DNAH5: variants seen among roughly 807,000 people sequenced by gnomAD.
DNAH5 encodes the protein dynein axonemal heavy chain 5, also known as axonemal beta dynein heavy chain 5.
Under a neutral mutation model 518.2 loss-of-function variants are expected in DNAH5, and 372 were observed. The observed-to-expected ratio is 0.72, with a 90% CI of 0.66 to 0.78. The LOEUF (loss-of-function observed/expected upper bound fraction) is 0.78, where lower values mean the gene tolerates loss of function less well. DNAH5 is among the 30% of genes least tolerant of loss of function. The probability of loss-of-function intolerance (pLI) is 0.00; values close to 1 mark genes in which losing one functional copy is unlikely to be tolerated. For missense variants in DNAH5, 5,523 were observed against 5,687.0 expected (o/e 0.97, Z 0.93); for synonymous variants, 2,039 against 2,025.9 (o/e 1.01, Z -0.17).
chr5:13,986,685 C>G (rs754987778), intron 1 of DNAH5, among the ~76,000 whole-genome samples: 1 of 152,180 alleles, frequency 6.6e-6, no homozygotes, highest in Admixed American at 6.5e-5. Flanking sequence ...TCACTACCCA[C>G]GCTGTAATTC....
intron 55 of DNAH5, among the ~76,000 whole-genome samples, chr5:13,774,023 C>T (rs1337459706): frequency 1.3e-5 from 2 of 152,120 alleles, no homozygotes; most frequent in Admixed American, 6.6e-5. Context: ...CTTCCCAGCA[C>T]GAAGGCCTGC....
chr5:13,908,324 C>G (rs1775600690), intron 12 of DNAH5, among the ~76,000 whole-genome samples: 1 of 152,190 alleles, frequency 6.6e-6, no homozygotes, highest in Admixed American at 6.5e-5. Flanking sequence ...TAAAAAATCT[C>G]TATGTATAAA....
intron 16 of DNAH5, 62 bp downstream of exon 16, chr5:13,894,588 C>A (rs1394555060): frequency 5.8e-6 from 9 of 1,539,542 alleles, no homozygotes; most frequent in Non-Finnish European, 8.1e-6. Flanking sequence ...AGAAATTATT[C>A]AACAGATGTT....
intron 1 of DNAH5, among the ~76,000 whole-genome samples, chr5:13,986,144 C>T (rs1011542144): frequency 6.6e-6 from 1 of 152,216 alleles, no homozygotes; most frequent in Non-Finnish European, 1.5e-5. Flanking sequence ...TTAGGGTCTC[C>T]TGCCGGAGGC....
intron 13 of DNAH5, 112 bp downstream of exon 13, chr5:13,901,941 C>A: frequency 2.5e-6 from 2 of 813,334 alleles, no homozygotes; most frequent in Non-Finnish European, 3.9e-6. Flanking sequence ...CCCAAATTGC[C>A]AAGAGAGGTT....
intron 1 of DNAH5, among the ~76,000 whole-genome samples, chr5:13,989,119 C>T (rs1390793759): frequency 6.6e-6 from 1 of 152,034 alleles, no homozygotes; most frequent in African/African-American, 2.4e-5. Context: ...CCAAGAAAAG[C>T]AGAAAGAGCC....
chr5:13,747,849 T>C (rs1472410082), intron 65 of DNAH5, among the ~76,000 whole-genome samples: 1 of 152,250 alleles, frequency 6.6e-6, no homozygotes, highest in African/African-American at 2.4e-5. Context: ...TTCACTCTGA[T>C]GGTAGTTTCT....
chr5:13,824,453 T>A, intron 38 of DNAH5, 120 bp from the exon 39 acceptor site: 1 of 967,792 alleles, frequency 1.0e-6, no homozygotes, highest in South Asian at 1.4e-5. Context: ...CTTCAGAAAA[T>A]GCATACACAC....
intron 16 of DNAH5, among the ~76,000 whole-genome samples, chr5:13,891,587 C>T (rs1334258605): frequency 6.6e-6 from 1 of 152,146 alleles, no homozygotes; most frequent in Non-Finnish European, 1.5e-5. Context: ...TTGGAGTGGT[C>T]CCTCCTCCTG....
chr5:13,927,156 C>A (rs1310908100), intron 3 of DNAH5, among the ~76,000 whole-genome samples: 1 of 151,944 alleles, frequency 6.6e-6, no homozygotes. Flanking sequence ...TACATTAATC[C>A]ACTTAAAAGT....
At chr5:14,009,586 C>T (rs380214) in intron 1 of DNAH5, among the ~76,000 whole-genome samples, 8,769 of 152,244 alleles carry the variant, frequency 0.058, 855 homozygotes, top group African/African-American at 0.2. Flanking sequence ...CCAAATCAAT[C>T]TTGGACTAGT....
intron 1 of DNAH5, among the ~76,000 whole-genome samples, chr5:13,955,857 C>A (rs369364264): frequency 2.6e-4 from 39 of 152,186 alleles, no homozygotes; most frequent in African/African-American, 8.2e-4. Flanking sequence ...AGAGATTAAA[C>A]CTTTTTAAAA....
At chr5:13,758,520 AC>A (rs772037319) in intron 61 of DNAH5, among the ~76,000 whole-genome samples, 2 of 152,020 alleles carry the variant, frequency 1.3e-5, no homozygotes, top group Non-Finnish European at 2.9e-5. Context: ...AAATAAACCC[AC>A]CCTGCCTACC....
At chr5:13,862,800 T>G in intron 28 of DNAH5, 53 bp from the exon 29 acceptor site, 3 of 1,448,454 alleles carry the variant, frequency 2.1e-6, no homozygotes, top group Non-Finnish European at 2.9e-6. Flanking sequence ...ACGTCCTTCC[T>G]TAATAGTCTA....
chr5:13,919,605 G>A (rs1361122140), intron 6 of DNAH5, among the ~76,000 whole-genome samples: 2 of 152,012 alleles, frequency 1.3e-5, no homozygotes, highest in Non-Finnish European at 2.9e-5. Context: ...TTATATTTTG[G>A]GGGGTTTTTA....
chr5:13,867,353 A>T (rs1445811), intron 25 of DNAH5, among the ~76,000 whole-genome samples: 1 of 151,874 alleles, frequency 6.6e-6, no homozygotes, highest in East Asian at 1.9e-4. Flanking sequence ...CTGTTCTCTC[A>T]GTAGTGAGTT....
intron 43 of DNAH5, 72 bp from the exon 44 acceptor site, chr5:13,811,895 A>C: frequency 7.2e-7 from 1 of 1,393,578 alleles, no homozygotes; most frequent in African/African-American, 1.4e-5. Flanking sequence ...TGGGGACAAA[A>C]ATTTTAAAAG....
At position 13,839,989 on chromosome 5, in the gene DNAH5, T is replaced by G. The variant is rs1580515284; in HGVS notation, c.5710-461A>C. 2.0e-5 allele frequency among the ~76,000 whole-genome samples: 3 copies of G among 152,320 alleles called. 1 individual carries two copies. Among genetic ancestry groups the G allele is most frequent in the South Asian group, 2.1e-4 (1 of 4,826 alleles). The stretch of plus-strand genomic sequence containing the variant: ...ATCCAGTAATTATTTTTCCCAAGAA[T>G]TACATCGGGCCAAAATTTCTAACAT... On this transcript the variant is annotated intron_variant, in intron 34 of 78. Transcript: ENST00000265104.
At chr5:13,887,854 C>T (rs780581073) in intron 17 of DNAH5, among the ~76,000 whole-genome samples, 29 of 152,128 alleles carry the variant, frequency 1.9e-4, no homozygotes, top group Non-Finnish European at 3.2e-4. Context: ...CATGGTGAGG[C>T]AGATGCTTGG....
Sources: gnomAD v4.1 joint callset for allele counts (sites outside exome capture counted in the v4.1 genomes callset) on GRCh38, gnomAD v4.1.1 for gene constraint, MANE v1.5 for transcripts, NCBI Gene and HGNC (gene_info 2026-07-23, HGNC 2026-07-21) for gene names.